The following EXOC4 variants were observed in gnomAD, a reference collection of about 807,000 sequenced individuals.
EXOC4 encodes SEC8-like 1.
EXOC4 carries 71 observed loss-of-function variants against 107.2 expected under a neutral mutation model. That is an observed-to-expected ratio of 0.66 (90% CI 0.55 to 0.81). EXOC4 has a LOEUF of 0.81. EXOC4 is among the 30% of genes least tolerant of loss of function. The pLI, the probability that EXOC4 is intolerant of heterozygous loss-of-function variation, is 0.00. For synonymous variants in EXOC4, 456 were observed against 441.2 expected (o/e 1.03, Z -0.42); for missense variants, 1,108 against 1,189.6 (o/e 0.93, Z 1.01).
chr7:133,328,622 A>G (rs773092328), intron 5 of EXOC4, among the ~76,000 whole-genome samples: 1 of 151,562 alleles, frequency 6.6e-6, no homozygotes, highest in Non-Finnish European at 1.5e-5. Context: ...CCTGGTGGTG[A>G]CAGAATCTCT....
chr7:133,933,910 T>A (rs1158738503), intron 13 of EXOC4, among the ~76,000 whole-genome samples: 9 of 152,266 alleles, frequency 5.9e-5, no homozygotes, highest in Non-Finnish European at 7.3e-5. Flanking sequence ...GGAGAACATA[T>A]GGACAGTATA....
At chr7:133,516,758 A>ATCTTTTTTTTTTTTTTTTTTTTTT (rs1799883121) in intron 9 of EXOC4, among the ~76,000 whole-genome samples, 1 of 49,032 alleles carries the variant, frequency 2.0e-5, no homozygotes, top group Non-Finnish European at 3.9e-5. Context: ...CTAGCTGCTC[A>ATCTTTTTTTTTTTTTTTTTTTTTT]TTTTTTTTTT....
chr7:133,876,752 T>C (rs1236108318), intron 11 of EXOC4, among the ~76,000 whole-genome samples: 2 of 152,110 alleles, frequency 1.3e-5, no homozygotes, highest in African/African-American at 2.4e-5. Context: ...GAAAATCAAA[T>C]TGGGACTCAA....
intron 7 of EXOC4, among the ~76,000 whole-genome samples, chr7:133,464,461 AGTGATTCCTAT>A (rs1308097830): frequency 6.6e-6 from 1 of 152,196 alleles, no homozygotes; most frequent in African/African-American, 2.4e-5. Context: ...GAGTTCTCCA[AGTGATTCCTAT>A]GTGCAGACCA....
At chr7:133,402,800 G>A (rs1394295481) in intron 7 of EXOC4, among the ~76,000 whole-genome samples, 4 of 151,742 alleles carry the variant, frequency 2.6e-5, no homozygotes, top group East Asian at 1.9e-4. Context: ...CACCATGCCC[G>A]GTGGAGAATT....
intron 7 of EXOC4, among the ~76,000 whole-genome samples, chr7:133,405,637 T>C (rs963534744): frequency 6.6e-6 from 1 of 152,190 alleles, no homozygotes; most frequent in Non-Finnish European, 1.5e-5. Context: ...CCTCAGTGGA[T>C]GCCAGAAACT....
intron 5 of EXOC4, among the ~76,000 whole-genome samples, chr7:133,333,511 G>T (rs1304739102): frequency 6.6e-6 from 1 of 152,088 alleles, no homozygotes; most frequent in Non-Finnish European, 1.5e-5. Context: ...CTGGTGTAAT[G>T]TTGCTGTAGT....
At chr7:133,796,072 T>A (rs1336608465) in intron 10 of EXOC4, among the ~76,000 whole-genome samples, 1 of 152,228 alleles carries the variant, frequency 6.6e-6, no homozygotes, top group African/African-American at 2.4e-5. Flanking sequence ...GAAATCAAGG[T>A]AATTTCATTA....
chr7:133,641,209 T>C (rs1802846828), intron 10 of EXOC4, among the ~76,000 whole-genome samples: 1 of 152,172 alleles, frequency 6.6e-6, no homozygotes, highest in African/African-American at 2.4e-5. Context: ...TTACTTTTAT[T>C]GATTGTAAAT....
At chr7:133,572,973 A>T (rs571304223) in intron 9 of EXOC4, among the ~76,000 whole-genome samples, 4 of 152,314 alleles carry the variant, frequency 2.6e-5, no homozygotes, top group South Asian at 4.1e-4. Flanking sequence ...TCTTCCATTC[A>T]CCAGAAAGCA....
intron 9 of EXOC4, among the ~76,000 whole-genome samples, chr7:133,614,223 C>A (rs982252791): frequency 6.6e-6 from 1 of 152,152 alleles, no homozygotes; most frequent in Non-Finnish European, 1.5e-5. Context: ...AAGAGATAGG[C>A]TAACTCTACT....
At chr7:133,865,417 C>A (rs1438716037) in intron 11 of EXOC4, among the ~76,000 whole-genome samples, 1 of 152,170 alleles carries the variant, frequency 6.6e-6, no homozygotes, top group East Asian at 1.9e-4. Flanking sequence ...TCTGAACATA[C>A]AATTATACTA....
chr7:133,779,469 G>A (rs1320860526), intron 10 of EXOC4, among the ~76,000 whole-genome samples: 4 of 152,156 alleles, frequency 2.6e-5, no homozygotes, highest in African/African-American at 9.7e-5. Flanking sequence ...ACTTCAAGTA[G>A]GCCTTTGGAT....
intron 7 of EXOC4, among the ~76,000 whole-genome samples, chr7:133,379,834 C>T (rs1008079586): frequency 2.0e-5 from 3 of 152,032 alleles, no homozygotes; most frequent in Non-Finnish European, 2.9e-5. Flanking sequence ...AATTCCTGTA[C>T]GGCTGAAAAC....
intron 14 of EXOC4, among the ~76,000 whole-genome samples, chr7:133,961,280 C>CTTTTTTTTTTTTTTTTTT (rs34400471): frequency 1.3e-5 from 1 of 77,018 alleles, no homozygotes; most frequent in Non-Finnish European, 2.2e-5. Context: ...TCATGTCAAA[C>CTTTTTTTTTTTTTTTTTT]TTTTTTTTTT....
chr7:133,326,043 G>A (rs1484697731), intron 5 of EXOC4, among the ~76,000 whole-genome samples: 2 of 152,108 alleles, frequency 1.3e-5, no homozygotes, highest in Non-Finnish European at 2.9e-5. Context: ...TAGTTCTCAC[G>A]CCATGTTTTT....
intron 10 of EXOC4, among the ~76,000 whole-genome samples, chr7:133,692,901 A>G (rs141159221): frequency 1.3e-5 from 2 of 152,236 alleles, no homozygotes; most frequent in South Asian, 2.1e-4. Context: ...AGCGCTTCAC[A>G]TGTTATTTTA....
intron 9 of EXOC4, chr7:133,576,778 T>A (rs1801139851): frequency 7.8e-7 from 1 of 1,289,492 alleles, no homozygotes; most frequent in Admixed American, 2.3e-5. Context: ...GTGAGGCTTT[T>A]ACACCCAGAC....
intron 9 of EXOC4, among the ~76,000 whole-genome samples, chr7:133,614,686 A>G (rs1802147593): frequency 6.6e-6 from 1 of 150,844 alleles, no homozygotes; most frequent in Admixed American, 6.7e-5. Context: ...CCAAACCCAA[A>G]GTGAATTCTT....
Sources: gnomAD v4.1 joint callset for allele counts (sites outside exome capture counted in the v4.1 genomes callset) on GRCh38, gnomAD v4.1.1 for gene constraint, MANE v1.5 for transcripts, NCBI Gene and HGNC (gene_info 2026-07-23, HGNC 2026-07-21) for gene names.